Variants in SVEP1 observed in about 807,000 individuals in gnomAD.
SVEP1 encodes sushi, von Willebrand factor type A, EGF and pentraxin domain-containing protein 1.
In SVEP1, 164 loss-of-function variants were observed where a neutral mutation model predicts 367.3. The ratio of observed to expected loss-of-function variants is 0.45; its 90% CI spans 0.39 to 0.51. SVEP1 has a LOEUF of 0.51. Among genes scored for constraint, SVEP1 ranks in the 20% least tolerant of loss-of-function variants. SVEP1 has a pLI of 0.00. For synonymous variants in SVEP1, 1,666 were observed against 1,611.6 expected, an observed-to-expected ratio of 1.03 and a Z score of -0.81; for missense variants, 4,117 against 4,425.3, an observed-to-expected ratio of 0.93 and a Z score of 1.98.
chr9:110,434,647 C>T, intron 29 of SVEP1, 141 bp from the exon 30 acceptor site: 1 of 85,178 alleles, frequency 1.2e-5, no homozygotes, highest in Non-Finnish European at 1.9e-5. Flanking sequence ...GTAACCAGAT[C>T]ACTGGCAAGC....
rs372409135 is a variant in SVEP1, at chr9:110,387,357, T to G, written c.9988A>C (p.Ser3330Arg). The change falls in exon 42 of 48, where the codon AGT becomes CGT. Residue 3330 changes from serine to arginine, a missense_variant. This residue lies in a region of SVEP1 where 1,765 missense variants were observed against 1,781.1 expected (regional missense o/e 0.99). Transcript: ENST00000374469. ...TGTGCCTCAGATGGCCCTTCAAGAC[T>G]GTAGCCTCTGTTGCAGGAATATACC... is the stretch of plus-strand genomic sequence containing the variant. Reference protein sequence around the residue: ...NVVYSCNRGYSLEGPSEAHCT... With the variant: ...NVVYSCNRGYRLEGPSEAHCT... 1 of 1,613,804 alleles carries G rather than the reference T, an allele frequency of 6.2e-7. No individual in the cohort carries two copies. Among genetic ancestry groups the G allele is most frequent in the Non-Finnish European group, 8.5e-7 (1 of 1,179,840 alleles).
rs1830260716 is a variant in SVEP1 at position 110,549,865 on chromosome 9, G to A, written c.771C>T (p.Arg257=). ...HSFEEFEALA[R]RALHEDLPSG... ...TTCCATTACCTTCATGCAATGCCCG[G>A]CGAGCTAAAGCCTCAAATTCTTCAA... Residue 257 remains arginine, a synonymous_variant, in exon 2 of 48, where the codon CGC becomes CGT. Coordinates refer to ENST00000374469, the MANE Select transcript of SVEP1 (RefSeq NM_153366.4). 1 of 1,613,768 alleles carries A rather than the reference G, an allele frequency of 6.2e-7. No individual in the cohort carries two copies.
At chr9:110,395,438 C>G (rs1238214492) in intron 40 of SVEP1, among the ~76,000 whole-genome samples, 1 of 152,154 alleles carries the variant, frequency 6.6e-6, no homozygotes, top group Non-Finnish European at 1.5e-5. Context: ...GAAGAAACTG[C>G]ATCAACTAAC....
chr9:110,406,981 A>G lies in SVEP1; in HGVS notation c.8619T>C (p.Cys2873=), dbSNP rs1403212250. 8 of 1,613,886 alleles carry G rather than the reference A, an allele frequency of 5.0e-6. No homozygotes were observed. Among genetic ancestry groups the G allele is most frequent in the Non-Finnish European group, 6.8e-6 (8 of 1,179,898 alleles). Residue 2873 remains cysteine, a synonymous_variant, in exon 38 of 48, where the codon TGT becomes TGC. Coordinates refer to ENST00000374469, the MANE Select transcript of SVEP1 (RefSeq NM_153366.4). ...FLLEGARSRV[C]LANGSWSGAT... ...CTCCACTCCAACTTCCATTGGCAAG[A>G]CAAACCCGACTCCTGGCTCCCTCAA...
chr9:110,431,092 T>TA (rs1305809157), intron 32 of SVEP1, among the ~76,000 whole-genome samples: 1 of 152,176 alleles, frequency 6.6e-6, no homozygotes. Flanking sequence ...AACAAATTCT[T>TA]AAAGTAAATG....
In SVEP1 at chr9:110,458,227, C is replaced by T. The variant is rs558641833; in HGVS notation, c.3576+244G>A. On this transcript the variant is annotated intron_variant, in intron 20 of 47. Coordinates refer to ENST00000374469, the MANE Select transcript of SVEP1 (RefSeq NM_153366.4). ...AATCAAAAGGCTCCCCCTGGATCTA[C>T]TCATTCTTATTGCCAGGCATTTCTG... 1.4e-4 allele frequency: 82 copies of T among 596,398 alleles called. 2 individuals are homozygous for T. The highest frequency in any genetic ancestry group is 1.0e-3 in the Middle Eastern group (4 of 3,880). The allele number at this position is 596,398 out of a possible 1,614,324, so 36.9% of individuals were successfully genotyped here.
At chr9:110,394,679 C>G (rs770566226) in intron 40 of SVEP1, among the ~76,000 whole-genome samples, 2 of 152,116 alleles carry the variant, frequency 1.3e-5, no homozygotes, top group Non-Finnish European at 2.9e-5. Context: ...AGCTGAAAAC[C>G]AAGGCACGAG....
chr9:110,456,246 G>A (rs1241973222), intron 21 of SVEP1, among the ~76,000 whole-genome samples: 2 of 152,136 alleles, frequency 1.3e-5, no homozygotes, highest in Non-Finnish European at 2.9e-5. Context: ...TTCTCAGGCT[G>A]TACTCCAGAC....
At chr9:110,376,316 C>A (rs1827350597) in intron 45 of SVEP1, among the ~76,000 whole-genome samples, 1 of 152,080 alleles carries the variant, frequency 6.6e-6, no homozygotes, top group Non-Finnish European at 1.5e-5. Flanking sequence ...TGGGGTACCC[C>A]AAAGTCAATG....
chr9:110,516,674 A>T (rs1366425544), intron 3 of SVEP1, among the ~76,000 whole-genome samples: 1 of 152,144 alleles, frequency 6.6e-6, no homozygotes, highest in Admixed American at 6.5e-5. Context: ...ATAAATAGAG[A>T]GATAGAAAAG....
intron 38 of SVEP1, 31 bp downstream of exon 38, chr9:110,406,129 C>A (rs773386336): frequency 2.0e-6 from 3 of 1,519,024 alleles, no homozygotes; most frequent in Non-Finnish European, 8.8e-7. Flanking sequence ...CCTGCCCGCA[C>A]CCCTTGGAGA....
rs755946234 is a variant in SVEP1 at position 110,499,027 on chromosome 9, G to A, written c.1681+14C>T. On this transcript the variant is annotated intron_variant, in intron 7 of 47. Coordinates refer to ENST00000374469, the MANE Select transcript of SVEP1 (RefSeq NM_153366.4). ...AAAAATTTGATTTTTAGCCTGACTA[G>A]TGTAGAGACCTACCTTTACACACAG... 1.2e-6 allele frequency: 2 copies of A among 1,609,970 alleles called. No individual in the cohort carries two copies. The highest frequency in any genetic ancestry group is 8.5e-7 in the Non-Finnish European group (1 of 1,177,592).
intron 37 of SVEP1, among the ~76,000 whole-genome samples, chr9:110,409,882 A>G (rs1828020039): frequency 6.6e-6 from 1 of 152,170 alleles, no homozygotes; most frequent in Non-Finnish European, 1.5e-5. Context: ...TTGTTTATGC[A>G]TTGCTTGTGT....
intron 40 of SVEP1, among the ~76,000 whole-genome samples, chr9:110,392,497 T>A (rs1255227615): frequency 6.6e-6 from 1 of 152,180 alleles, no homozygotes; most frequent in Non-Finnish European, 1.5e-5. Flanking sequence ...AATGTCTGGT[T>A]GTCTCCATTT....
chr9:110,455,557 T>C, intron 22 of SVEP1, 33 bp downstream of exon 22: 2 of 1,506,946 alleles, frequency 1.3e-6, no homozygotes, highest in Non-Finnish European at 1.8e-6. Context: ...TTCAAAGATT[T>C]ATATTGTTGA....
At chr9:110,544,958 C>T (rs796473864) in intron 3 of SVEP1, among the ~76,000 whole-genome samples, 8 of 152,266 alleles carry the variant, frequency 5.3e-5, no homozygotes, top group African/African-American at 1.7e-4. Flanking sequence ...AAGCACTCTT[C>T]TCCTTTCTAA....
At chr9:110,394,697 T>C (rs1174826367) in intron 40 of SVEP1, among the ~76,000 whole-genome samples, 1 of 152,096 alleles carries the variant, frequency 6.6e-6, no homozygotes, top group Admixed American at 6.5e-5. Context: ...GAGAACTACG[T>C]GACCAGTGCA....
At chr9:110,505,674 T>TTC (rs755258536) in intron 5 of SVEP1, among the ~76,000 whole-genome samples, 4 of 151,764 alleles carry the variant, frequency 2.6e-5, no homozygotes, top group African/African-American at 4.8e-5. Flanking sequence ...CTTTTTTAAA[T>TTC]TCTCTCTCTC....
intron 1 of SVEP1, among the ~76,000 whole-genome samples, chr9:110,569,192 G>A (rs1212276507): frequency 1.3e-5 from 2 of 151,728 alleles, no homozygotes; most frequent in Non-Finnish European, 2.9e-5. Flanking sequence ...TATAGGATGG[G>A]CAATTTAAAA....
Sources: allele counts gnomAD v4.1 joint callset (sites outside exome capture counted in the v4.1 genomes callset), GRCh38; gene constraint gnomAD v4.1.1; regional missense constraint gnomAD v4.1.1; transcripts MANE v1.5; gene names NCBI Gene and HGNC (gene_info 2026-07-23, HGNC 2026-07-21).